Variants in ASNS observed in about 807,000 individuals in gnomAD.
ASNS encodes asparagine synthetase [glutamine-hydrolyzing].
ASNS carries 37 observed loss-of-function variants against 62.6 expected under a neutral mutation model. That is an observed-to-expected ratio of 0.59 (90% CI 0.45 to 0.78). ASNS has a LOEUF of 0.78. ASNS is among the 30% of genes least tolerant of loss of function. ASNS has a pLI of 0.00. For missense variants in ASNS, 520 were observed against 682.4 expected (o/e 0.76, Z 2.65); for synonymous variants, 207 against 237.9 (o/e 0.87, Z 1.19).
At chr7:97,906,662 A>G in the ASNS span, 7 of 159,344 alleles carry the variant, frequency 4.4e-5, no homozygotes, top group Admixed American at 1.8e-4. Context: ...AACCTTGTGT[A>G]TTATTCTAGG....
At chr7:97,882,851 C>T in the ASNS span, among the ~76,000 whole-genome samples, 1 of 152,170 alleles carries the variant, frequency 6.6e-6, no homozygotes, top group Non-Finnish European at 1.5e-5. Context: ...AGGCTTTCCA[C>T]AGCAATATTA....
At chr7:97,903,906 G>A in the ASNS span, among the ~76,000 whole-genome samples, 1 of 152,164 alleles carries the variant, frequency 6.6e-6, no homozygotes, top group Non-Finnish European at 1.5e-5. Flanking sequence ...AATTAGTACA[G>A]GATATATCTA....
At chr7:97,874,102 C>G (rs950877253), upstream of ASNS, among the ~76,000 whole-genome samples, 3 of 152,204 alleles carry the variant, frequency 2.0e-5, no homozygotes, top group Admixed American at 6.5e-5. Context: ...TCTGCAGTCT[C>G]GACCATAAGA....
At chr7:97,899,100 C>T in the ASNS span, 1 of 489,086 alleles carries the variant, frequency 2.0e-6, no homozygotes, top group Non-Finnish European at 3.7e-6. Context: ...TCATAAGGCA[C>T]TTGTTCTTAA....
chr7:97,866,097 C>T (rs1159630569), intron 3 of ASNS, among the ~76,000 whole-genome samples: 1 of 152,132 alleles, frequency 6.6e-6, no homozygotes, highest in African/African-American at 2.4e-5. Context: ...TAATAGGTTG[C>T]CTGGTTGCCA....
the ASNS span, among the ~76,000 whole-genome samples, chr7:97,925,301 C>T: frequency 3.3e-5 from 5 of 151,992 alleles, no homozygotes; most frequent in African/African-American, 1.2e-4. Flanking sequence ...TTTCCAAGAC[C>T]GCATTGCTCA....
At chr7:97,888,365 C>T in the ASNS span, among the ~76,000 whole-genome samples, 1 of 151,306 alleles carries the variant, frequency 6.6e-6, no homozygotes, top group Non-Finnish European at 1.5e-5. Flanking sequence ...TGGCCCAGCC[C>T]CAGGGAATAA....
intron 3 of ASNS, among the ~76,000 whole-genome samples, chr7:97,867,697 T>C (rs754495971): frequency 3.9e-5 from 6 of 152,220 alleles, no homozygotes; most frequent in African/African-American, 7.2e-5. Flanking sequence ...TTCTTGCCTT[T>C]CCTTTTCACC....
the ASNS span, among the ~76,000 whole-genome samples, chr7:97,896,741 CAT>C: frequency 0.011 from 211 of 19,776 alleles, 10 homozygotes; most frequent in African/African-American, 0.02. Context: ...CACACACACA[CAT>C]ATATATATAT....
chr7:97,919,109 G>T, the ASNS span, among the ~76,000 whole-genome samples: 1 of 151,922 alleles, frequency 6.6e-6, no homozygotes, highest in Non-Finnish European at 1.5e-5. Context: ...CTATTGCCCA[G>T]TCTGGAGTCC....
chr7:97,925,626 AG>A, the ASNS span, among the ~76,000 whole-genome samples: 1 of 152,188 alleles, frequency 6.6e-6, no homozygotes, highest in African/African-American at 2.4e-5. Context: ...CTCAGCAAGA[AG>A]GGAAAATACC....
Position 97,853,366 on chromosome 7 carries a change from A to T in ASNS, c.1259T>A (p.Phe420Tyr). 6.2e-7 allele frequency: 1 copy of T among 1,612,638 alleles called. No homozygotes were observed. The highest frequency in any genetic ancestry group is 1.1e-5 in the South Asian group (1 of 91,000). ...AAHGLELRVPFLDHRFSSYYL... is the reference protein window; with the variant it reads ...AAHGLELRVPYLDHRFSSYYL... ...ATAGGAAGAAAATCGATGATCTAGAAATGGGACTCTCAGTTCAAGACTTAA... is the reference window on the plus strand; with the variant it reads ...ATAGGAAGAAAATCGATGATCTAGATATGGGACTCTCAGTTCAAGACTTAA... Residue 420 changes from phenylalanine to tyrosine, a missense_variant, in exon 11 of 13, where the codon TTT becomes TAT. Physicochemically the swap from Phe to Tyr is conservative, Grantham distance 22. Transcript: ENST00000394308.
the ASNS span, among the ~76,000 whole-genome samples, chr7:97,881,176 A>G: frequency 6.6e-6 from 1 of 152,216 alleles, no homozygotes; most frequent in Non-Finnish European, 1.5e-5. Flanking sequence ...TCCCAGCCTC[A>G]GGTGATCTGC....
chr7:97,904,321 G>C, the ASNS span, among the ~76,000 whole-genome samples: 25,307 of 126,896 alleles, frequency 0.2, 2,473 homozygotes, highest in African/African-American at 0.22. Flanking sequence ...CACACACAGA[G>C]AGAGAGAAAT....
At chr7:97,900,360 CA>C in the ASNS span, among the ~76,000 whole-genome samples, 2,655 of 89,154 alleles carry the variant, frequency 0.03, 24 homozygotes, top group African/African-American at 0.1. Context: ...GACTTTGTCT[CA>C]AAAAAAAAAA....
chr7:97,927,231 C>T, the ASNS span, among the ~76,000 whole-genome samples: 2 of 152,126 alleles, frequency 1.3e-5, no homozygotes, highest in Non-Finnish European at 2.9e-5. Flanking sequence ...AGAACCTTGT[C>T]TCTTGTGATG....
At chr7:97,878,067 C>T in the ASNS span, among the ~76,000 whole-genome samples, 1 of 152,206 alleles carries the variant, frequency 6.6e-6, no homozygotes, top group Non-Finnish European at 1.5e-5. Flanking sequence ...GCGTAGGATG[C>T]AGGAGGCTGC....
chr7:97,898,545 A>G, the ASNS span: 12 of 585,352 alleles, frequency 2.1e-5, no homozygotes, highest in African/African-American at 3.8e-5. Context: ...ATCTTTTCCA[A>G]TGTTGTCTGG....
Position 97,854,975 on chromosome 7 carries a change from CT to C in ASNS, c.1138-296del, listed in dbSNP as rs71532083. 0.29 allele frequency: 71,746 copies of C among 243,268 alleles called. 4,668 individuals are homozygous for C. Among genetic ancestry groups the C allele is most frequent in the Admixed American group, 0.35 (6,252 of 17,688 alleles). 15.1% of individuals were successfully genotyped at this position (243,268 alleles called of 1,614,324 possible). ...AGTAGTTTTATTTATTTATTTTTAA[CT>C]TTTTTTTTTTTTTTTTTAAGAGACG... On this transcript the variant is annotated intron_variant, in intron 9 of 12. Transcript: ENST00000394308.
Sources: allele counts gnomAD v4.1 joint callset (sites outside exome capture counted in the v4.1 genomes callset), GRCh38; gene constraint gnomAD v4.1.1; transcripts MANE v1.5; gene names NCBI Gene and HGNC (gene_info 2026-07-23, HGNC 2026-07-21).